The following SNX12 variants were observed in gnomAD, a reference collection of about 807,000 sequenced individuals.
SNX12 encodes the protein sorting nexin-12.
For synonymous variants in SNX12, 47 were observed against 56.0 expected, an observed-to-expected ratio of 0.84 and a Z score of 0.71; for missense variants, 62 against 141.3, an observed-to-expected ratio of 0.44 and a Z score of 2.84.
At chrX:71,062,418 G>T (rs1198457326) in intron 2 of SNX12, among the ~76,000 whole-genome samples, 1 of 98,756 alleles carries the variant, frequency 1.0e-5, no homozygotes, top group Non-Finnish European at 2.0e-5. Flanking sequence ...TGTCATCCAG[G>T]CTGGAGTGCA....
At chrX:71,068,437 C>A (rs757997008), upstream of SNX12, 1 of 506,365 alleles carries the variant, frequency 2.0e-6, no homozygotes, top group East Asian at 4.2e-5. Context: ...GCACGCGCGC[C>A]CACGCACGCA....
chrX:71,063,628 T>G (rs781392222), intron 1 of SNX12, among the ~76,000 whole-genome samples: 1 of 111,205 alleles, frequency 9.0e-6, no homozygotes, highest in East Asian at 2.8e-4. Context: ...GAAAAGAATG[T>G]GAAAGCCAGG....
chrX:71,067,495 A>C (rs1265282942), intron 1 of SNX12, among the ~76,000 whole-genome samples: 1 of 112,306 alleles, frequency 8.9e-6, no homozygotes, highest in Non-Finnish European at 1.9e-5. Context: ...GACAGCACGT[A>C]GTATCTGCGA....
upstream of SNX12, among the ~76,000 whole-genome samples, chrX:71,068,880 C>G (rs2092165117): frequency 1.8e-5 from 2 of 112,018 alleles, no homozygotes; most frequent in Admixed American, 1.9e-4. Flanking sequence ...GCGCACTCAG[C>G]ACTACGTATG....
intron 1 of SNX12, among the ~76,000 whole-genome samples, chrX:71,064,235 C>T (rs982471477): frequency 9.0e-6 from 1 of 111,701 alleles, no homozygotes; most frequent in Admixed American, 9.6e-5. Context: ...TCTGCTCTTC[C>T]TGTCCAAATC....
upstream of SNX12, among the ~76,000 whole-genome samples, chrX:71,070,453 A>G (rs1014022363): frequency 9.0e-6 from 1 of 111,532 alleles, no homozygotes; most frequent in Non-Finnish European, 1.9e-5. Context: ...TGACCCATGA[A>G]CTTAGGCTGC....
intron 1 of SNX12, among the ~76,000 whole-genome samples, chrX:71,065,829 G>A (rs928251462): frequency 3.8e-5 from 4 of 106,304 alleles, no homozygotes; most frequent in Non-Finnish European, 7.7e-5. Context: ...AAATTAGCCA[G>A]GTGTGGTGGC....
At chrX:71,071,453 A>G (rs1276692045), upstream of SNX12, among the ~76,000 whole-genome samples, 3 of 80,884 alleles carry the variant, frequency 3.7e-5, no homozygotes, top group African/African-American at 4.7e-5. Flanking sequence ...AAATATAAAT[A>G]ATTATATATT....
At chrX:71,061,643 G>A (rs1263148249) in intron 3 of SNX12, among the ~76,000 whole-genome samples, 200 bp downstream of exon 3, 1 of 111,735 alleles carries the variant, frequency 8.9e-6, no homozygotes, top group Admixed American at 9.5e-5. Context: ...TGAGGCAGGA[G>A]AATCACTTGA....
chrX:71,066,617 T>C (rs1318319089), intron 1 of SNX12, among the ~76,000 whole-genome samples: 2 of 93,970 alleles, frequency 2.1e-5, no homozygotes, highest in Non-Finnish European at 4.2e-5. Flanking sequence ...AAAAAAAGAA[T>C]ACCCTGAGTA....
chrX:71,072,906 TACACACAC>T (rs59544159), upstream of SNX12, among the ~76,000 whole-genome samples: 1,638 of 101,409 alleles, frequency 0.016, 33 homozygotes, highest in African/African-American at 0.057. Flanking sequence ...CTGGCTTCCA[TACACACAC>T]ACACACACAC....
chrX:71,073,048 A>G (rs2092177883), upstream of SNX12, among the ~76,000 whole-genome samples: 1 of 108,510 alleles, frequency 9.2e-6, no homozygotes, highest in South Asian at 4.0e-4. Context: ...ACACACACAC[A>G]CACACACACA....
Position 71,061,022 on chromosome X carries a change from G to C in SNX12, c.483C>G (p.Arg161=). 1 of 1,202,195 alleles carries C rather than the reference G, an allele frequency of 8.3e-7. No homozygotes were observed. The highest frequency in any genetic ancestry group is 1.1e-6 in the Non-Finnish European group (1 of 888,182). The change falls in exon 4 of 4, where the codon CGC becomes CGG. Residue 161 remains arginine (R), a synonymous_variant. Coordinates refer to ENST00000374274, the MANE Select transcript of SNX12 (RefSeq NM_013346.4). ...CAGGTGGTGAGAGGGGCTCCTACTG[G>C]CGCACCTTCCCCGGGACGTAGTTCC... is the stretch of plus-strand genomic sequence containing the variant. ...IDRNYVPGKV[R]Q
chrX:71,070,058 A>G (rs2092168218), upstream of SNX12, among the ~76,000 whole-genome samples: 1 of 112,190 alleles, frequency 8.9e-6, no homozygotes, highest in African/African-American at 3.2e-5. Context: ...TTTATCGCCA[A>G]TTCAGACTGT....
chrX:71,071,557 T>TTC (rs1310985803), upstream of SNX12, among the ~76,000 whole-genome samples: 32 of 54,960 alleles, frequency 5.8e-4, no homozygotes, highest in Admixed American at 2.0e-3. Flanking sequence ...TATATAAATA[T>TTC]ATAATATTTA....
upstream of SNX12, chrX:71,068,400 T>G: frequency 1.3e-6 from 1 of 755,866 alleles, no homozygotes; most frequent in Non-Finnish European, 1.8e-6. Flanking sequence ...GCAAAATAAC[T>G]AGCCAACCCA....
chrX:71,064,300 GACA>G (rs1045266390), intron 1 of SNX12, among the ~76,000 whole-genome samples: 11 of 111,609 alleles, frequency 9.9e-5, no homozygotes, highest in African/African-American at 2.3e-4. Context: ...AAAATTTTCT[GACA>G]ACAACAACTG....
At chrX:71,066,315 C>T (rs754909858) in intron 1 of SNX12, among the ~76,000 whole-genome samples, 4 of 111,889 alleles carry the variant, frequency 3.6e-5, no homozygotes, top group Non-Finnish European at 7.5e-5. Context: ...TAGGGCCAGG[C>T]GTGGTGGCTC....
upstream of SNX12, among the ~76,000 whole-genome samples, chrX:71,071,581 TA>T (rs1207026090): frequency 2.9e-4 from 14 of 48,084 alleles, no homozygotes; most frequent in African/African-American, 1.0e-3. Context: ...ATTATATATA[TA>T]AATATATAAT....
Sources: allele counts gnomAD v4.1 joint callset (sites outside exome capture counted in the v4.1 genomes callset), GRCh38; gene constraint gnomAD v4.1.1; transcripts MANE v1.5; gene names NCBI Gene and HGNC (gene_info 2026-07-23, HGNC 2026-07-21).